The following ACYP2 variants were observed in gnomAD, a reference collection of about 807,000 sequenced individuals.
ACYP2 encodes the protein acylphosphatase 2.
Under a neutral mutation model 11.2 loss-of-function variants are expected in ACYP2, and 12 were observed. That is an observed-to-expected ratio of 1.08 (90% CI 0.69 to 1.74). The LOEUF (loss-of-function observed/expected upper bound fraction) is 1.74, where lower values mean the gene tolerates loss of function less well. ACYP2 is among the 40% of genes most tolerant of loss of function. The pLI is 0.00. For missense variants in ACYP2, 134 were observed against 101.9 expected (o/e 1.31, Z -1.35); for synonymous variants, 43 against 32.2 (o/e 1.33, Z -1.13).
At chr2:53,989,945 CTTCTGTGAG>C (rs1396993430) in intron 2 of ACYP2, among the ~76,000 whole-genome samples, 3 of 151,200 alleles carry the variant, frequency 2.0e-5, no homozygotes, top group Non-Finnish European at 4.4e-5. Flanking sequence ...TTTCTCATCA[CTTCTGTGAG>C]TTACATAAAC....
chr2:54,152,696 G>C lies in ACYP2; in HGVS notation c.404+13948G>C, dbSNP rs182763204. 2.6e-5 allele frequency among the ~76,000 whole-genome samples: 4 copies of C among 152,148 alleles called. No homozygotes were observed. In the South Asian group the frequency reaches 6.2e-4, roughly 24 times the overall value. ...ATTCACTTAGATACATGTCTTTAAG[G>C]TTCCTTCATGTATTTTTATGGCTTG... On this transcript the variant is annotated intron_variant, in intron 6 of 6. Coordinates refer to ENST00000607452, the MANE Select transcript of ACYP2 (RefSeq NM_001320586.2).
At chr2:54,010,457 C>G (rs13005214) in intron 2 of ACYP2, among the ~76,000 whole-genome samples, 2 of 149,808 alleles carry the variant, frequency 1.3e-5, no homozygotes, top group Non-Finnish European at 2.9e-5. Flanking sequence ...GCACTCCAGT[C>G]TGGGCAACAA....
chr2:54,120,541 A>G (rs960327119), intron 4 of ACYP2, among the ~76,000 whole-genome samples: 3 of 152,148 alleles, frequency 2.0e-5, no homozygotes, highest in African/African-American at 2.4e-5. Flanking sequence ...TTTTTTTAGA[A>G]TAAGAGTAGC....
intron 2 of ACYP2, among the ~76,000 whole-genome samples, chr2:54,005,651 G>A (rs1255957759): frequency 6.6e-6 from 1 of 152,060 alleles, no homozygotes; most frequent in Non-Finnish European, 1.5e-5. Context: ...AAGGCCTATG[G>A]TTTCTCTTTT....
chr2:54,145,986 G>C (rs1237981143), intron 6 of ACYP2, among the ~76,000 whole-genome samples: 1 of 152,144 alleles, frequency 6.6e-6, no homozygotes, highest in Non-Finnish European at 1.5e-5. Flanking sequence ...TTAATCATAT[G>C]TTTTAATCAT....
At chr2:54,197,057 C>G (rs111412594) in intron 6 of ACYP2, among the ~76,000 whole-genome samples, 1 of 152,146 alleles carries the variant, frequency 6.6e-6, no homozygotes, top group Admixed American at 6.6e-5. Flanking sequence ...AGTATTATAA[C>G]CCCCCTTTAC....
intron 6 of ACYP2, among the ~76,000 whole-genome samples, chr2:54,280,308 C>T (rs1024257355): frequency 5.9e-5 from 9 of 152,036 alleles, no homozygotes; most frequent in African/African-American, 2.2e-4. Context: ...TCTGTGACTG[C>T]CCAGATTCTG....
intron 6 of ACYP2, among the ~76,000 whole-genome samples, chr2:54,171,085 C>T (rs944591320): frequency 1.3e-5 from 2 of 152,064 alleles, no homozygotes; most frequent in Non-Finnish European, 2.9e-5. Context: ...GATCCTGGGC[C>T]GGGATCTCTG....
At chr2:54,081,596 G>A (rs145840543) in intron 4 of ACYP2, among the ~76,000 whole-genome samples, 4 of 152,268 alleles carry the variant, frequency 2.6e-5, no homozygotes, top group African/African-American at 4.8e-5. Context: ...AGCACACCCC[G>A]TAATGCTTGC....
At chr2:54,108,835 G>A (rs942508031) in intron 4 of ACYP2, among the ~76,000 whole-genome samples, 2 of 152,008 alleles carry the variant, frequency 1.3e-5, no homozygotes, top group Admixed American at 6.6e-5. Context: ...CCTACTTCCT[G>A]TTTTCTAAAG....
intron 2 of ACYP2, among the ~76,000 whole-genome samples, chr2:54,001,805 C>T (rs913480346): frequency 2.0e-5 from 3 of 152,216 alleles, no homozygotes; most frequent in African/African-American, 7.2e-5. Context: ...GGAAGTCTTC[C>T]TCCTGCCATG....
At chr2:54,173,179 C>T (rs893667516) in intron 6 of ACYP2, among the ~76,000 whole-genome samples, 12 of 152,210 alleles carry the variant, frequency 7.9e-5, no homozygotes, top group Non-Finnish European at 1.6e-4. Flanking sequence ...AAAAGCATTC[C>T]TATTTCTCCA....
chr2:54,295,086 G>A (rs1464883855), intron 6 of ACYP2, among the ~76,000 whole-genome samples: 3 of 152,174 alleles, frequency 2.0e-5, no homozygotes, highest in African/African-American at 7.2e-5. Context: ...ATATGACTAG[G>A]CTTGCAGGAT....
intron 6 of ACYP2, among the ~76,000 whole-genome samples, chr2:54,283,392 G>A (rs1199670417): frequency 3.3e-5 from 5 of 152,204 alleles, no homozygotes; most frequent in African/African-American, 7.2e-5. Flanking sequence ...CCCTTCAGTT[G>A]TATGAGCTAG....
At chr2:54,222,281 G>A (rs1259545967) in intron 6 of ACYP2, among the ~76,000 whole-genome samples, 1 of 152,098 alleles carries the variant, frequency 6.6e-6, no homozygotes, top group Non-Finnish European at 1.5e-5. Context: ...CAGGCGTGGT[G>A]GCTCATGCCT....
chr2:54,196,400 C>A lies in ACYP2; in HGVS notation c.404+57652C>A, dbSNP rs560851848. Among the ~76,000 whole-genome samples, 8 of 152,196 alleles carry A rather than the reference C, an allele frequency of 5.3e-5. No homozygotes were observed. In the South Asian group the frequency reaches 1.7e-3, roughly 32 times the overall value. ...TTGTCCTTTAAAAAAAAGATTTGTC[C>A]TTTTTCCCAAATGAGCCATGGATGT... On this transcript the variant is annotated intron_variant, in intron 6 of 6. Transcript: ENST00000607452.
chr2:54,199,904 C>G (rs767706486), intron 6 of ACYP2, among the ~76,000 whole-genome samples: 1 of 152,232 alleles, frequency 6.6e-6, no homozygotes, highest in Non-Finnish European at 1.5e-5. Context: ...TCTTACTATT[C>G]TCTGCCCTCT....
rs549016559 is a variant in ACYP2, at chr2:54,093,800, C to T, written c.277+36440C>T. 4.5e-4 allele frequency among the ~76,000 whole-genome samples: 68 copies of T among 152,190 alleles called. 1 individual carries two copies. The highest frequency in any genetic ancestry group is 7.0e-4 in the African/African-American group (29 of 41,542). ...CTAAAAATACAAAAAATTAGCCGGG[C>T]GTGGTCGTGGGCGCCTGTAGTCCCA... On this transcript the variant is annotated intron_variant, in intron 4 of 6. Transcript: ENST00000607452.
intron 2 of ACYP2, among the ~76,000 whole-genome samples, chr2:53,981,891 G>A (rs7559947): frequency 0.33 from 50,852 of 151,962 alleles, 8,696 homozygotes; most frequent in South Asian, 0.49. Context: ...ATTAAGTGAT[G>A]TATTTATTTA....
Sources: gnomAD v4.1 joint callset for allele counts (sites outside exome capture counted in the v4.1 genomes callset) on GRCh38, gnomAD v4.1.1 for gene constraint, MANE v1.5 for transcripts, NCBI Gene and HGNC (gene_info 2026-07-23, HGNC 2026-07-21) for gene names.